GPR158: variants seen among roughly 807,000 people sequenced by gnomAD.
The protein encoded by GPR158 is metabotropic glycine receptor.
Under a neutral mutation model 78.2 loss-of-function variants are expected in GPR158, and 30 were observed. The observed-to-expected ratio is 0.38, with a 90% CI of 0.29 to 0.52. The LOEUF is 0.52. Among genes scored for constraint, GPR158 ranks in the 20% least tolerant of loss-of-function variants. The pLI is 0.83. For synonymous variants in GPR158, 581 were observed against 591.1 expected, an observed-to-expected ratio of 0.98 and a Z score of 0.25; for missense variants, 1,463 against 1,523.5, an observed-to-expected ratio of 0.96 and a Z score of 0.66.
At chr10:25,584,946 A>C (rs1311576527) in intron 7 of GPR158, among the ~76,000 whole-genome samples, 1 of 152,194 alleles carries the variant, frequency 6.6e-6, no homozygotes, top group South Asian at 2.1e-4. Flanking sequence ...AGCAAAATTT[A>C]AAAAACAAAC....
chr10:25,249,344 C>G (rs1053811778), intron 2 of GPR158, among the ~76,000 whole-genome samples: 8 of 152,262 alleles, frequency 5.3e-5, no homozygotes, highest in African/African-American at 1.7e-4. Flanking sequence ...ACTTCCAACA[C>G]TATGTTGAAT....
chr10:25,471,693 T>C (rs1339614826), intron 5 of GPR158, among the ~76,000 whole-genome samples: 1 of 152,212 alleles, frequency 6.6e-6, no homozygotes, highest in Non-Finnish European at 1.5e-5. Flanking sequence ...GGTTTTGATT[T>C]GCATTTCTCT....
Position 25,239,959 on chromosome 10 carries a change from T to C in GPR158, c.1008+18802T>C, listed in dbSNP as rs182040068. Among the ~76,000 whole-genome samples the C allele has an allele frequency of 7.4e-4, 112 of 152,332 alleles. 1 individual carries two copies. The highest frequency in any genetic ancestry group is 2.7e-3 in the African/African-American group (111 of 41,572). ...CAGGAACTGTGGAGATTTTATAAAG[T>C]AGTATAGTATGCAGTTCATGTCCTC... On this transcript the variant is annotated intron_variant, in intron 2 of 10. Transcript: ENST00000376351.
intron 2 of GPR158, among the ~76,000 whole-genome samples, chr10:25,332,337 A>G (rs889411560): frequency 6.6e-6 from 1 of 152,358 alleles, no homozygotes; most frequent in East Asian, 1.9e-4. Flanking sequence ...GGTGATATTG[A>G]CAATGTTTCT....
At chr10:25,466,868 A>C (rs998873814) in intron 5 of GPR158, 149 bp downstream of exon 5, 5 of 465,420 alleles carry the variant, frequency 1.1e-5, no homozygotes, top group African/African-American at 9.9e-5. Context: ...ACTTGAAAGA[A>C]AGACTTTGGC....
At chr10:25,261,514 GA>G (rs1309068368) in intron 2 of GPR158, among the ~76,000 whole-genome samples, 9 of 151,834 alleles carry the variant, frequency 5.9e-5, no homozygotes, top group Non-Finnish European at 1.3e-4. Flanking sequence ...CCTCCACTGA[GA>G]AATTTTTAGT....
chr10:25,357,387 G>A (rs1855568898), intron 2 of GPR158, among the ~76,000 whole-genome samples: 1 of 152,128 alleles, frequency 6.6e-6, no homozygotes, highest in Non-Finnish European at 1.5e-5. Context: ...TATCTCCAGG[G>A]CATGTCAGAG....
At chr10:25,336,153 A>G (rs921629141) in intron 2 of GPR158, among the ~76,000 whole-genome samples, 2 of 152,074 alleles carry the variant, frequency 1.3e-5, no homozygotes, top group African/African-American at 2.4e-5. Flanking sequence ...ACTGGTGAGT[A>G]TTTTATAAAG....
At chr10:25,514,835 A>G (rs1202210326) in intron 5 of GPR158, among the ~76,000 whole-genome samples, 1 of 152,152 alleles carries the variant, frequency 6.6e-6, no homozygotes, top group Non-Finnish European at 1.5e-5. Flanking sequence ...GAGGCTAAAA[A>G]TGGGACCCCA....
intron 2 of GPR158, among the ~76,000 whole-genome samples, chr10:25,334,604 T>G (rs1855172098): frequency 6.6e-6 from 1 of 151,958 alleles, no homozygotes; most frequent in South Asian, 2.1e-4. Flanking sequence ...GGAACCAAGG[T>G]CTGAATGGGT....
chr10:25,265,338 GAAAGTC>G (rs1854031627), intron 2 of GPR158, among the ~76,000 whole-genome samples: 1 of 152,240 alleles, frequency 6.6e-6, no homozygotes, highest in African/African-American at 2.4e-5. Context: ...CAATAAGCAA[GAAAGTC>G]ATATGTTCCA....
intron 4 of GPR158, among the ~76,000 whole-genome samples, chr10:25,438,874 T>C (rs187325738): frequency 2.6e-5 from 4 of 152,310 alleles, no homozygotes; most frequent in African/African-American, 9.6e-5. Context: ...TGCTGCCATT[T>C]AGAAAAAAAA....
At chr10:25,494,217 A>G (rs1324975852) in intron 5 of GPR158, among the ~76,000 whole-genome samples, 1 of 152,212 alleles carries the variant, frequency 6.6e-6, no homozygotes, top group Non-Finnish European at 1.5e-5. Context: ...TGGTATGTGT[A>G]ATAGTATTGC....
intron 4 of GPR158, among the ~76,000 whole-genome samples, chr10:25,425,611 C>T (rs186979990): frequency 4.5e-4 from 69 of 152,130 alleles, no homozygotes; most frequent in African/African-American, 1.6e-3. Flanking sequence ...GAGTAAACGG[C>T]CCATGGAGTG....
In GPR158 at chr10:25,356,189, ATG is replaced by A. The variant is rs555819692; in HGVS notation, c.1009-39721_1009-39720del. On this transcript the variant is annotated intron_variant, in intron 2 of 10. Coordinates refer to ENST00000376351, the MANE Select transcript of GPR158 (RefSeq NM_020752.3). ...GAGTGGGGAGAGGGGCATCATGGAT[ATG>A]GAAATGATTTTCTTACCATGTACTC... Among the ~76,000 whole-genome samples, 25 of 152,158 alleles carry A rather than the reference ATG, an allele frequency of 1.6e-4. No individual in the cohort carries two copies. The South Asian group carries it at 5.2e-3, about 32-fold the overall frequency.
At chr10:25,324,311 C>T (rs1854997056) in intron 2 of GPR158, among the ~76,000 whole-genome samples, 1 of 152,154 alleles carries the variant, frequency 6.6e-6, no homozygotes, top group Non-Finnish European at 1.5e-5. Flanking sequence ...TTCACTTGAA[C>T]ACTTAGAGGC....
intron 4 of GPR158, among the ~76,000 whole-genome samples, chr10:25,432,397 G>C (rs970697100): frequency 2.6e-5 from 4 of 152,132 alleles, no homozygotes; most frequent in Non-Finnish European, 5.9e-5. Context: ...AGATGTAATA[G>C]AATTAAAAGT....
intron 1 of GPR158, among the ~76,000 whole-genome samples, chr10:25,213,963 T>C (rs999782594): frequency 1.3e-5 from 2 of 152,170 alleles, no homozygotes; most frequent in African/African-American, 4.8e-5. Context: ...TATTTGCATA[T>C]TGTCTCTTTA....
intron 4 of GPR158, among the ~76,000 whole-genome samples, chr10:25,432,875 C>T (rs1165347113): frequency 1.3e-5 from 2 of 152,066 alleles, no homozygotes; most frequent in African/African-American, 4.8e-5. Context: ...GAACTGTACC[C>T]TTAAGGAGTT....
Sources: allele counts gnomAD v4.1 joint callset (sites outside exome capture counted in the v4.1 genomes callset), GRCh38; gene constraint gnomAD v4.1.1; transcripts MANE v1.5; gene names NCBI Gene and HGNC (gene_info 2026-07-23, HGNC 2026-07-21).